The following KLF12 variants were observed in gnomAD, a reference collection of about 807,000 sequenced individuals.
The protein encoded by KLF12 is Krueppel-like factor 12.
KLF12 carries 9 observed loss-of-function variants against 37.8 expected under a neutral mutation model. The ratio of observed to expected loss-of-function variants is 0.24; its 90% CI spans 0.14 to 0.42. KLF12 has a LOEUF of 0.42. Ranked by LOEUF, KLF12 falls within the 10% of genes least tolerant of loss-of-function variation. The pLI, the probability that KLF12 is intolerant of heterozygous loss-of-function variation, is 1.00. For synonymous variants in KLF12, 208 were observed against 202.1 expected (o/e 1.03, Z -0.25); for missense variants, 411 against 516.0 (o/e 0.80, Z 1.97).
At chr13:73,873,584 TTC>T (rs1399947315) in intron 3 of KLF12, among the ~76,000 whole-genome samples, 1 of 152,166 alleles carries the variant, frequency 6.6e-6, no homozygotes, top group Non-Finnish European at 1.5e-5. Flanking sequence ...TTATTATTCT[TTC>T]TCTGTGTTTA....
chr13:73,944,190 A>G (rs543959863), intron 2 of KLF12, 120 bp from the exon 3 acceptor site: 1 of 654,092 alleles, frequency 1.5e-6, no homozygotes, highest in African/African-American at 1.9e-5. Flanking sequence ...TAAACAATAA[A>G]GAATAATTAA....
intron 5 of KLF12, among the ~76,000 whole-genome samples, chr13:73,810,982 C>CTTTTTTTTTTTTTTTTTTTTTT (rs376490803): frequency 6.7e-5 from 3 of 44,808 alleles, no homozygotes; most frequent in African/African-American, 2.5e-4. Flanking sequence ...ATTTTTCTTT[C>CTTTTTTTTTTTTTTTTTTTTTT]TTTTTTTTTT....
intron 5 of KLF12, among the ~76,000 whole-genome samples, chr13:73,776,222 A>G (rs1011505378): frequency 9.2e-5 from 14 of 152,300 alleles, no homozygotes; most frequent in African/African-American, 3.4e-4. Context: ...AATCAAAAGG[A>G]ATGGTATCCA....
At position 73,690,797 on chromosome 13, in the gene KLF12, TGA is replaced by T. The variant is rs1729687748; in HGVS notation, c.*4691_*4692del. 6.6e-6 allele frequency: 1 copy of T among 152,662 alleles called. No homozygotes were observed. The highest frequency in any genetic ancestry group is 2.1e-4 in the South Asian group (1 of 4,836). The allele number at this position is 152,662 out of a possible 1,614,324, so 9.5% of individuals were successfully genotyped here. ...CTATTTACAACCTCTGTAAAATTTG[TGA>T]GTTTGAAAATACTTTTTCCACTATC... On this transcript the variant is annotated 3_prime_UTR_variant, in exon 8 of 8. Coordinates refer to ENST00000377669, the MANE Select transcript of KLF12 (RefSeq NM_007249.5).
intron 4 of KLF12, among the ~76,000 whole-genome samples, chr13:73,833,457 G>A (rs1336385797): frequency 3.9e-5 from 6 of 152,104 alleles, no homozygotes; most frequent in Admixed American, 3.9e-4. Context: ...AACACCAGGC[G>A]ACTACAGATT....
intron 3 of KLF12, among the ~76,000 whole-genome samples, chr13:73,923,217 T>C (rs916509955): frequency 3.3e-5 from 5 of 152,190 alleles, no homozygotes; most frequent in South Asian, 2.1e-4. Flanking sequence ...GCTTCAAAGA[T>C]AGAGTGAGTA....
At chr13:74,249,397 G>T in the KLF12 span, among the ~76,000 whole-genome samples, 1 of 139,478 alleles carries the variant, frequency 7.2e-6, no homozygotes, top group African/African-American at 2.8e-5. Context: ...CTCACTCAAT[G>T]CCATAAATGT....
intron 7 of KLF12, among the ~76,000 whole-genome samples, chr13:73,700,111 T>C (rs1010016937): frequency 2.6e-5 from 4 of 151,740 alleles, no homozygotes; most frequent in African/African-American, 9.7e-5. Context: ...GTCTATCAAA[T>C]AAATAAATCA....
At chr13:73,786,135 G>T (rs1481370530) in intron 5 of KLF12, among the ~76,000 whole-genome samples, 1 of 152,166 alleles carries the variant, frequency 6.6e-6, no homozygotes, top group Non-Finnish European at 1.5e-5. Context: ...GGCAGCTGGG[G>T]AGAGATTCTG....
At chr13:74,050,577 G>A (rs953740583) in intron 1 of KLF12, among the ~76,000 whole-genome samples, 1 of 152,138 alleles carries the variant, frequency 6.6e-6, no homozygotes, top group Non-Finnish European at 1.5e-5. Flanking sequence ...GCATTGAGAG[G>A]AGAATCAGAC....
the KLF12 span, among the ~76,000 whole-genome samples, chr13:74,170,844 T>G: frequency 6.6e-6 from 1 of 152,198 alleles, no homozygotes; most frequent in Non-Finnish European, 1.5e-5. Flanking sequence ...GGCTCACTGC[T>G]GCCTTTGCCT....
the KLF12 span, among the ~76,000 whole-genome samples, chr13:74,252,495 C>T: frequency 1.3e-5 from 2 of 152,214 alleles, no homozygotes; most frequent in Non-Finnish European, 2.9e-5. Flanking sequence ...CTACAACCTT[C>T]AGCATATCAC....
intron 3 of KLF12, among the ~76,000 whole-genome samples, chr13:73,874,977 T>C (rs1050405459): frequency 1.3e-5 from 2 of 152,144 alleles, no homozygotes; most frequent in Non-Finnish European, 2.9e-5. Flanking sequence ...TTATGAGATA[T>C]AAAAATATAA....
chr13:73,703,947 C>A (rs765117262), intron 7 of KLF12, among the ~76,000 whole-genome samples: 3 of 152,146 alleles, frequency 2.0e-5, no homozygotes, highest in Non-Finnish European at 4.4e-5. Context: ...TATAAGTGAA[C>A]TAAAATATCC....
intron 3 of KLF12, among the ~76,000 whole-genome samples, chr13:73,879,629 G>A (rs1886883937): frequency 1.3e-5 from 2 of 152,146 alleles, no homozygotes; most frequent in Admixed American, 6.5e-5. Flanking sequence ...ATCATGCCTT[G>A]CAGATCAATC....
the KLF12 span, among the ~76,000 whole-genome samples, chr13:74,199,019 G>T: frequency 1.3e-5 from 2 of 152,314 alleles, no homozygotes; most frequent in African/African-American, 4.8e-5. Context: ...CAGTGCCAGT[G>T]AGAGCCGAGG....
At chr13:73,854,316 T>G (rs1003653506) in intron 3 of KLF12, among the ~76,000 whole-genome samples, 3 of 152,194 alleles carry the variant, frequency 2.0e-5, no homozygotes, top group Non-Finnish European at 4.4e-5. Context: ...CAATAATGTT[T>G]ATCATCCTCG....
At chr13:73,999,048 C>T (rs1367715862) in intron 1 of KLF12, among the ~76,000 whole-genome samples, 1 of 150,432 alleles carries the variant, frequency 6.6e-6, no homozygotes, top group East Asian at 1.9e-4. Flanking sequence ...GAGAAGCAAA[C>T]TAGAGTTTTT....
In KLF12 at chr13:74,073,755, C is replaced by T. The variant is rs1264393088; in HGVS notation, c.-32+59984G>A. Among the ~76,000 whole-genome samples the T allele has an allele frequency of 2.6e-5, 4 of 152,232 alleles. No homozygotes were observed. In the South Asian group the frequency reaches 8.3e-4, roughly 32 times the overall value. On this transcript the variant is annotated intron_variant, in intron 1 of 7. Transcript: ENST00000377669. ...GGAATGCAGTGTGAGGGAAGAACCCCAAAGACTAAACTCCAATCACTTCAT... is the reference window on the plus strand; with the variant it reads ...GGAATGCAGTGTGAGGGAAGAACCCTAAAGACTAAACTCCAATCACTTCAT...
Sources: allele counts gnomAD v4.1 joint callset (sites outside exome capture counted in the v4.1 genomes callset), GRCh38; gene constraint gnomAD v4.1.1; transcripts MANE v1.5; gene names NCBI Gene and HGNC (gene_info 2026-07-23, HGNC 2026-07-21).